The following CD163L1 variants were observed in gnomAD, a reference collection of about 807,000 sequenced individuals.
CD163L1 encodes the protein CD163 molecule like 1.
A neutral mutation model predicts 165.4 loss-of-function variants in CD163L1; 124 were observed. The ratio of observed to expected loss-of-function variants is 0.75; its 90% confidence interval spans 0.65 to 0.87. CD163L1 has a LOEUF of 0.87. Ranked by LOEUF, CD163L1 falls within the 40% of genes least tolerant of loss-of-function variation. CD163L1 has a pLI of 0.00. For synonymous variants in CD163L1, 585 were observed against 662.2 expected, an observed-to-expected ratio of 0.88 and a Z score of 1.79; for missense variants, 1,525 against 1,799.9, an observed-to-expected ratio of 0.85 and a Z score of 2.76.
chr12:7,434,710 GAGAGAGAC>G (rs930712548), intron 2 of CD163L1, among the ~76,000 whole-genome samples: 12 of 117,878 alleles, frequency 1.0e-4, no homozygotes, highest in African/African-American at 5.1e-4. Flanking sequence ...GACAGAAAGA[GAGAGAGAC>G]AGACAGAGAC....
At chr12:7,364,209 T>C (rs1032617556) in intron 18 of CD163L1, among the ~76,000 whole-genome samples, 1 of 152,130 alleles carries the variant, frequency 6.6e-6, no homozygotes, top group Non-Finnish European at 1.5e-5. Context: ...TGCCAATAGA[T>C]GCTAAAAAAT....
Position 7,431,694 on chromosome 12 carries a change from C to T in CD163L1, c.766+722G>A, listed in dbSNP as rs896425311. Among the ~76,000 whole-genome samples, 9 of 151,898 alleles carry T rather than the reference C, an allele frequency of 5.9e-5. No homozygotes were observed. The South Asian group carries it at 1.5e-3, about 25-fold the overall frequency. Reference sequence around the variant, plus strand: ...ATGGGTGCAGCAAACCAACATGGCACATGTATACCTATGTAACAAACCTGC... The same window carrying T: ...ATGGGTGCAGCAAACCAACATGGCATATGTATACCTATGTAACAAACCTGC... On this transcript the variant is annotated intron_variant, in intron 4 of 19. Coordinates refer to ENST00000313599, the MANE Select transcript of CD163L1 (RefSeq NM_174941.6).
At chr12:7,366,997 T>C (rs1312722690) in intron 18 of CD163L1, among the ~76,000 whole-genome samples, 1 of 152,214 alleles carries the variant, frequency 6.6e-6, no homozygotes, top group East Asian at 1.9e-4. Flanking sequence ...CTTCTTTGCT[T>C]GGTGCCTCTG....
At chr12:7,439,775 C>T in intron 2 of CD163L1, 9 of 1,613,484 alleles carry the variant, frequency 5.6e-6, no homozygotes, top group East Asian at 2.2e-5. Context: ...AGAATTTCAC[C>T]CCCCTCGATC....
chr12:7,332,264 C>A, the CD163L1 span, among the ~76,000 whole-genome samples: 3 of 152,104 alleles, frequency 2.0e-5, no homozygotes, highest in African/African-American at 7.2e-5. Context: ...ACAAAGCCTC[C>A]AAGAAATATG....
chr12:7,369,663 T>C lies in CD163L1; in HGVS notation c.3733A>G (p.Arg1245Gly). The C allele has an allele frequency of 1.9e-6, 3 of 1,608,908 alleles. No individual in the cohort carries two copies. Among genetic ancestry groups the C allele is most frequent in the Non-Finnish European group, 2.6e-6 (3 of 1,175,842 alleles). The change falls in exon 15 of 20, where the codon AGA becomes GGA. Residue 1245 changes from arginine (R) to glycine (G), a missense_variant and splice_region_variant. By Grantham distance (125) the Arg-to-Gly change is moderately radical. Transcript: ENST00000313599. This position sits in a 1 kb window ranked among gnomAD's most constrained non-coding sequence, Gnocchi z 4.9. ...AEETWITCED[R>G]IRVRGGDTEC... Reference sequence around the variant, plus strand: ...GTGTCTCCTCCACGCACTCTTATTCTATCTACAAAGGCACAAAACATGGCT... The same window carrying C: ...GTGTCTCCTCCACGCACTCTTATTCCATCTACAAAGGCACAAAACATGGCT...
intron 8 of CD163L1, 82 bp from the exon 9 acceptor site, chr12:7,379,380 A>T: frequency 2.1e-6 from 3 of 1,406,514 alleles, no homozygotes; most frequent in Non-Finnish European, 2.9e-6. Context: ...GTACACTAAC[A>T]TAGACCAGTG....
chr12:7,390,195 G>T (rs1565789789), intron 8 of CD163L1, among the ~76,000 whole-genome samples: 1 of 151,770 alleles, frequency 6.6e-6, no homozygotes, highest in African/African-American at 2.4e-5. Context: ...TGGGAAGGGT[G>T]TGCGTGTGGT....
At position 7,359,133 on chromosome 12, in the gene CD163L1, G is replaced by C. The variant is rs577318896; in HGVS notation, c.4280-1647C>G. ...CAAAAGATGTAACAGACATACAATA[G>C]GAATGCTAGAAGGAGAAAAAGGTGA... is the stretch of plus-strand genomic sequence containing the variant. On this transcript the variant is annotated intron_variant, in intron 18 of 19. Transcript: ENST00000313599. 1.1e-4 allele frequency among the ~76,000 whole-genome samples: 17 copies of C among 152,148 alleles called. 1 individual carries two copies. Among genetic ancestry groups the C allele is most frequent in the Admixed American group, 2.0e-4 (3 of 15,264 alleles).
At chr12:7,319,190 A>C in the CD163L1 span, among the ~76,000 whole-genome samples, 12 of 152,206 alleles carry the variant, frequency 7.9e-5, no homozygotes, top group African/African-American at 2.9e-4. Context: ...TAAGGAGCAC[A>C]CAACCTAGAT....
chr12:7,394,675 A>C (rs1414549675), intron 8 of CD163L1, among the ~76,000 whole-genome samples: 1 of 152,192 alleles, frequency 6.6e-6, no homozygotes, highest in Admixed American at 6.5e-5. Context: ...AATGGGAGAA[A>C]ATTTTTACAA....
the CD163L1 span, among the ~76,000 whole-genome samples, chr12:7,321,788 T>G: frequency 1.4e-3 from 209 of 152,312 alleles, 2 homozygotes; most frequent in African/African-American, 4.8e-3. Context: ...TCACGTGGCC[T>G]TGGACACTCA....
chr12:7,336,484 A>T, the CD163L1 span, among the ~76,000 whole-genome samples: 3 of 152,102 alleles, frequency 2.0e-5, no homozygotes, highest in Non-Finnish European at 4.4e-5. Flanking sequence ...CAGGAAGGGG[A>T]ACATCACACA....
intron 5 of CD163L1, among the ~76,000 whole-genome samples, chr12:7,405,818 C>T (rs1041350244): frequency 1.3e-5 from 2 of 152,106 alleles, no homozygotes; most frequent in African/African-American, 4.8e-5. Flanking sequence ...TAGGGATTCT[C>T]CTTTCGTAAG....
intron 18 of CD163L1, among the ~76,000 whole-genome samples, chr12:7,364,270 G>A (rs749942272): frequency 6.6e-6 from 1 of 152,016 alleles, no homozygotes; most frequent in Non-Finnish European, 1.5e-5. Flanking sequence ...AACATACTGG[G>A]TATAGAAGGA....
intron 2 of CD163L1, among the ~76,000 whole-genome samples, chr12:7,440,197 T>C (rs956344869): frequency 6.6e-6 from 1 of 152,194 alleles, no homozygotes; most frequent in African/African-American, 2.4e-5. Flanking sequence ...GGCGGACACT[T>C]AACACTCGCG....
the CD163L1 span, among the ~76,000 whole-genome samples, chr12:7,334,304 G>C: frequency 1.5e-3 from 221 of 152,298 alleles, no homozygotes; most frequent in African/African-American, 3.4e-3. Flanking sequence ...GATCAAGTCG[G>C]CTTCATCCCT....
In CD163L1 at chr12:7,398,595, G is replaced by A. The variant is rs1947832279; in HGVS notation, c.1409-11C>T. On this transcript the variant is annotated splice_polypyrimidine_tract_variant and intron_variant, in intron 6 of 19. Transcript: ENST00000313599. The surrounding 1 kb of genome is among the most constrained non-coding windows in gnomAD (Gnocchi z 4.5). ...CCAGATCTGCCTTATCTGCAAGCAA[G>A]ACAAAACCACATATTTGAGATCAAA... 10 of 1,536,460 alleles carry A rather than the reference G, an allele frequency of 6.5e-6. No individual in the cohort carries two copies. Among genetic ancestry groups the A allele is most frequent in the Non-Finnish European group, 7.9e-6 (9 of 1,146,012 alleles).
chr12:7,434,494 A>T (rs930027076), intron 2 of CD163L1, among the ~76,000 whole-genome samples: 1 of 152,204 alleles, frequency 6.6e-6, no homozygotes, highest in African/African-American at 2.4e-5. Context: ...GACAATAAAA[A>T]TTTAAATGGA....
Sources: allele counts gnomAD v4.1 joint callset (sites outside exome capture counted in the v4.1 genomes callset), GRCh38; gene constraint gnomAD v4.1.1; non-coding constraint Gnocchi (gnomAD v3.1); transcripts MANE v1.5; gene names NCBI Gene and HGNC (gene_info 2026-07-23, HGNC 2026-07-21).